STRN3: variants seen among roughly 807,000 people sequenced by gnomAD.
The protein encoded by STRN3 is striatin-3.
In STRN3, 29 loss-of-function variants were observed where a neutral mutation model predicts 95.6. That is an observed-to-expected ratio of 0.30 (90% CI 0.23 to 0.41). The LOEUF is 0.41. Ranked by LOEUF, STRN3 falls within the 10% of genes least tolerant of loss-of-function variation. The probability of loss-of-function intolerance (pLI) is 1.00; values close to 1 mark genes in which losing one functional copy is unlikely to be tolerated. For missense variants in STRN3, 890 were observed against 972.1 expected (o/e 0.92, Z 1.12); for synonymous variants, 331 against 357.6 (o/e 0.93, Z 0.84).
At chr14:30,938,908 A>G (rs1878957869) in intron 5 of STRN3, among the ~76,000 whole-genome samples, 1 of 152,232 alleles carries the variant, frequency 6.6e-6, no homozygotes, top group Non-Finnish European at 1.5e-5. Flanking sequence ...AAAGGATCAT[A>G]GACTATGAAA....
intron 8 of STRN3, among the ~76,000 whole-genome samples, chr14:30,921,102 ACAC>A (rs1414292690): frequency 6.6e-6 from 1 of 151,324 alleles, no homozygotes; most frequent in African/African-American, 2.4e-5. Flanking sequence ...ACACACACAC[ACAC>A]ACTTCCTTAT....
In STRN3 at chr14:31,007,465, CAA is replaced by C. The variant is rs566441292; in HGVS notation, c.282+18437_282+18438del. Among the ~76,000 whole-genome samples the C allele has an allele frequency of 7.9e-5, 12 of 152,170 alleles. No individual in the cohort carries two copies. In the East Asian group the frequency reaches 2.3e-3, roughly 29 times the overall value. ...AGGAGGCAAATAACTCCAAATAAAA[CAA>C]AATATGCAGAAAAGTAACCACAATA... On this transcript the variant is annotated intron_variant, in intron 1 of 17. Coordinates refer to ENST00000357479, the MANE Select transcript of STRN3 (RefSeq NM_001083893.2).
rs1421163235 is a variant in STRN3 at position 30,893,848 on chromosome 14, T to C, written c.*1563A>G. The C allele has an allele frequency of 1.3e-5, 2 of 152,640 alleles. No homozygotes were observed. Among genetic ancestry groups the C allele is most frequent in the Non-Finnish European group, 2.9e-5 (2 of 68,016 alleles). The allele number at this position is 152,640 out of a possible 1,614,324, so 9.5% of individuals were successfully genotyped here. A position where few individuals can be genotyped will look rare whatever the true frequency, so the allele number is the denominator to read the frequency against. On this transcript the variant is annotated 3_prime_UTR_variant, in exon 18 of 18. Coordinates refer to ENST00000357479, the MANE Select transcript of STRN3 (RefSeq NM_001083893.2). ...ATGGAGAATAAAGTATTGCACTTTA[T>C]TATTCAACACAAAATGATGTAGCCA... is the stretch of plus-strand genomic sequence containing the variant.
intron 1 of STRN3, among the ~76,000 whole-genome samples, chr14:30,988,456 G>A (rs890710087): frequency 1.3e-4 from 20 of 152,004 alleles, no homozygotes; most frequent in Non-Finnish European, 2.5e-4. Flanking sequence ...TTTACTCAAC[G>A]AACATATACA....
intron 1 of STRN3, among the ~76,000 whole-genome samples, chr14:30,960,641 G>A (rs147839255): frequency 0.018 from 2,802 of 152,006 alleles, 80 homozygotes; most frequent in African/African-American, 0.063. Flanking sequence ...AGGCTGAGGC[G>A]GGCAGATCAC....
intron 1 of STRN3, among the ~76,000 whole-genome samples, chr14:31,021,392 G>C (rs1307670289): frequency 1.3e-5 from 2 of 152,078 alleles, no homozygotes; most frequent in African/African-American, 4.8e-5. Flanking sequence ...ATAAAAAAAA[G>C]ACACCAATTA....
In STRN3 at chr14:30,893,824, T is replaced by A. The variant is rs1172787949; in HGVS notation, c.*1587A>T. ...AAATCTCCATTTCCTAGTTTAATTA[T>A]GGAGAATAAAGTATTGCACTTTATT... On this transcript the variant is annotated 3_prime_UTR_variant, in exon 18 of 18. Transcript: ENST00000357479. The A allele has an allele frequency of 2.0e-5, 3 of 152,556 alleles. No homozygotes were observed. The highest frequency in any genetic ancestry group is 4.4e-5 in the Non-Finnish European group (3 of 68,002). The allele number at this position is 152,556 out of a possible 1,614,324, so 9.5% of individuals were successfully genotyped here.
At chr14:30,969,448 A>G (rs1051402795) in intron 1 of STRN3, among the ~76,000 whole-genome samples, 1 of 152,176 alleles carries the variant, frequency 6.6e-6, no homozygotes, top group African/African-American at 2.4e-5. Flanking sequence ...AAAAAAAAAA[A>G]GTCTATAAAA....
intron 1 of STRN3, among the ~76,000 whole-genome samples, chr14:30,960,685 C>A (rs1321536926): frequency 6.6e-6 from 1 of 151,344 alleles, no homozygotes; most frequent in East Asian, 1.9e-4. Flanking sequence ...CTGGCTAACA[C>A]GGTGAAACCC....
At chr14:30,986,549 A>G (rs1195417193) in intron 1 of STRN3, among the ~76,000 whole-genome samples, 1 of 152,190 alleles carries the variant, frequency 6.6e-6, no homozygotes, top group Non-Finnish European at 1.5e-5. Flanking sequence ...CTATTCCTAT[A>G]TTTCTTTTAC....
chr14:30,966,477 T>A (rs992869117), intron 1 of STRN3, among the ~76,000 whole-genome samples: 1 of 152,130 alleles, frequency 6.6e-6, no homozygotes, highest in African/African-American at 2.4e-5. Context: ...CCTGCCCTAT[T>A]GTGGCAGCCT....
At chr14:30,961,179 T>G (rs773856036) in intron 1 of STRN3, among the ~76,000 whole-genome samples, 2 of 152,148 alleles carry the variant, frequency 1.3e-5, no homozygotes, top group Non-Finnish European at 2.9e-5. Context: ...AAACTAAAAA[T>G]GTTTTTTAAA....
Position 31,010,663 on chromosome 14 carries a change from AAC to A in STRN3, c.282+15239_282+15240del, listed in dbSNP as rs1215378096. On this transcript the variant is annotated intron_variant, in intron 1 of 17. Coordinates refer to ENST00000357479, the MANE Select transcript of STRN3 (RefSeq NM_001083893.2). ...TACCATAAGCATTGCATAGTCATTA[AAC>A]ATTCTTCATAAAATTTATTCATTTC... 8.5e-5 allele frequency among the ~76,000 whole-genome samples: 13 copies of A among 152,264 alleles called. No homozygotes were observed. In the South Asian group the frequency reaches 1.9e-3, roughly 22 times the overall value.
chr14:30,912,279 A>G (rs139808154), intron 10 of STRN3, 97 bp from the exon 11 acceptor site: 1 of 1,149,726 alleles, frequency 8.7e-7, no homozygotes, highest in Non-Finnish European at 1.2e-6. Flanking sequence ...TAACACATAT[A>G]TTTAAAACTG....
Position 30,912,159 on chromosome 14 carries a change from A to G in STRN3, c.1398T>C (p.Phe466=). The change falls in exon 11 of 18, where the codon TTT becomes TTC. Residue 466 remains phenylalanine (F), a synonymous_variant. Transcript: ENST00000357479. ...TATACTTGGGATTCCATGTCTTTCG[A>G]AAGGCATCTTTATTAGCAGGCAACT... ...SYDLPANKDA[F]RKTWNPKYTL... is the part of the protein sequence containing the mutation. The G allele has an allele frequency of 6.2e-7, 1 of 1,609,882 alleles. No individual in the cohort carries two copies. Among genetic ancestry groups the G allele is most frequent in the Non-Finnish European group, 8.5e-7 (1 of 1,179,040 alleles).
intron 1 of STRN3, among the ~76,000 whole-genome samples, chr14:30,992,594 T>C (rs1285256915): frequency 8.5e-6 from 1 of 117,984 alleles, no homozygotes; most frequent in Non-Finnish European, 1.8e-5. Context: ...AAAAAAAAGA[T>C]GGGGTCGGGG....
Position 30,895,318 on chromosome 14 carries a change from A to G in STRN3, c.*93T>C. On this transcript the variant is annotated 3_prime_UTR_variant, in exon 18 of 18. Transcript: ENST00000357479. ...AGATAGCCTTCACCAGGCAGATCAC[A>G]TGTAGTGTCATATCAGTAACCTTTC... is the stretch of plus-strand genomic sequence containing the variant. The G allele has an allele frequency of 7.6e-7, 1 of 1,318,582 alleles. No individual in the cohort carries two copies. Among genetic ancestry groups the G allele is most frequent in the Non-Finnish European group, 1.0e-6 (1 of 982,812 alleles). The allele number at this position is 1,318,582 out of a possible 1,614,324, so 81.7% of individuals were successfully genotyped here. A position where few individuals can be genotyped will look rare whatever the true frequency, so the allele number is the denominator to read the frequency against.
chr14:30,900,260 G>A (rs1035746602), intron 16 of STRN3, among the ~76,000 whole-genome samples: 9 of 151,520 alleles, frequency 5.9e-5, no homozygotes, highest in Non-Finnish European at 2.9e-5. Context: ...TCAGGAGGGT[G>A]AGCCGGGAGA....
At chr14:30,944,802 G>A (rs1458692005) in intron 5 of STRN3, among the ~76,000 whole-genome samples, 3 of 151,572 alleles carry the variant, frequency 2.0e-5, no homozygotes, top group Admixed American at 6.6e-5. Flanking sequence ...TAGAGATGGG[G>A]TTTCACCATG....
Sources: allele counts gnomAD v4.1 joint callset (sites outside exome capture counted in the v4.1 genomes callset), GRCh38; gene constraint gnomAD v4.1.1; transcripts MANE v1.5; gene names NCBI Gene and HGNC (gene_info 2026-07-23, HGNC 2026-07-21).